The following RAD51 variants were observed in gnomAD, a reference collection of about 807,000 sequenced individuals.
RAD51 encodes RAD51 recombinase.
RAD51 carries 14 observed loss-of-function variants against 41.5 expected under a neutral mutation model. That is an observed-to-expected ratio of 0.34 (90% confidence interval 0.22 to 0.53). The LOEUF (loss-of-function observed/expected upper bound fraction) is 0.53, where lower values mean the gene tolerates loss of function less well. Ranked by LOEUF, RAD51 falls within the 20% of genes least tolerant of loss-of-function variation. The probability of loss-of-function intolerance (pLI) is 0.95; values close to 1 mark genes in which losing one functional copy is unlikely to be tolerated. For synonymous variants in RAD51, 136 were observed against 148.6 expected (o/e 0.92, Z 0.62); for missense variants, 234 against 422.0 (o/e 0.55, Z 3.90).
chr15:40,712,152 T>G (rs1412863576), intron 5 of RAD51, among the ~76,000 whole-genome samples: 1 of 151,788 alleles, frequency 6.6e-6, no homozygotes, highest in Non-Finnish European at 1.5e-5. Flanking sequence ...AGAGTAAGCA[T>G]TAGCTGGTCA....
At chr15:40,721,676 T>A (rs1046267707) in intron 6 of RAD51, among the ~76,000 whole-genome samples, 5 of 152,184 alleles carry the variant, frequency 3.3e-5, no homozygotes, top group Admixed American at 1.3e-4. Flanking sequence ...AAAATGGTCT[T>A]TTCAATAAAC....
intron 6 of RAD51, among the ~76,000 whole-genome samples, chr15:40,723,613 A>C (rs981170457): frequency 9.9e-5 from 15 of 152,212 alleles, no homozygotes; most frequent in African/African-American, 3.6e-4. Flanking sequence ...TGAAATTTCC[A>C]GTAGGGGATA....
At chr15:40,706,315 G>A in intron 4 of RAD51, 21 bp downstream of exon 4, 1 of 1,555,506 alleles carries the variant, frequency 6.4e-7, no homozygotes, top group Non-Finnish European at 8.9e-7. Flanking sequence ...CCTTTATCCT[G>A]TGTTGTGAAC....
At chr15:40,713,553 A>G (rs1029772607) in intron 5 of RAD51, among the ~76,000 whole-genome samples, 8 of 92,166 alleles carry the variant, frequency 8.7e-5, no homozygotes, top group African/African-American at 3.1e-4. Flanking sequence ...TTTTGTTGTC[A>G]TTTTAATTGT....
At chr15:40,721,396 TA>T (rs1190819186) in intron 6 of RAD51, among the ~76,000 whole-genome samples, 1 of 152,230 alleles carries the variant, frequency 6.6e-6, no homozygotes. Flanking sequence ...ATTATAAAGC[TA>T]CAATAACCAA....
At chr15:40,696,738 T>A (rs1225938211) in intron 1 of RAD51, among the ~76,000 whole-genome samples, 3 of 152,216 alleles carry the variant, frequency 2.0e-5, no homozygotes, top group African/African-American at 7.2e-5. Context: ...GAGTGTTGAG[T>A]GTTTCGTTGT....
intron 6 of RAD51, among the ~76,000 whole-genome samples, chr15:40,725,111 G>A (rs1042331283): frequency 6.6e-6 from 1 of 151,784 alleles, no homozygotes; most frequent in Non-Finnish European, 1.5e-5. Flanking sequence ...TTGTTAGCCA[G>A]GATGGTCTCG....
At chr15:40,711,970 G>A (rs1895725460) in intron 5 of RAD51, among the ~76,000 whole-genome samples, 1 of 152,018 alleles carries the variant, frequency 6.6e-6, no homozygotes, top group Middle Eastern at 3.4e-3. Flanking sequence ...TACTTGGGAG[G>A]TGGAGGCGGG....
At chr15:40,728,046 G>T (rs1285923034) in intron 6 of RAD51, among the ~76,000 whole-genome samples, 1 of 152,058 alleles carries the variant, frequency 6.6e-6, no homozygotes, top group Non-Finnish European at 1.5e-5. Context: ...TTTTAGTAGA[G>T]ATGGGGTTTT....
intron 8 of RAD51, 95 bp from the exon 9 acceptor site, chr15:40,729,758 A>C: frequency 6.2e-7 from 1 of 1,610,138 alleles, no homozygotes; most frequent in South Asian, 1.1e-5. Flanking sequence ...GAGAGACATT[A>C]GTTATTCGTT....
Position 40,731,350 on chromosome 15 carries a change from T to C in RAD51, c.*172T>C, listed in dbSNP as rs550106020. 28 of 793,534 alleles carry C rather than the reference T, an allele frequency of 3.5e-5. No homozygotes were observed. The highest frequency in any genetic ancestry group is 3.6e-4 in the Middle Eastern group (1 of 2,754). 49.2% of individuals were successfully genotyped at this position (793,534 alleles called of 1,614,324 possible). On this transcript the variant is annotated 3_prime_UTR_variant, in exon 10 of 10. Coordinates refer to ENST00000267868, the MANE Select transcript of RAD51 (RefSeq NM_002875.5). ...ATGGTATAAACAGGAGACAGGTCAG[T>C]AGTCACAAACTGATCTAAAATGTTT...
chr15:40,700,181 C>T (rs888542849), intron 2 of RAD51, among the ~76,000 whole-genome samples: 5 of 152,198 alleles, frequency 3.3e-5, no homozygotes, highest in Non-Finnish European at 7.3e-5. Context: ...CCCACATTCA[C>T]CTACTAACTC....
intron 6 of RAD51, among the ~76,000 whole-genome samples, chr15:40,724,674 CTTTTTTTTT>C (rs869156620): frequency 7.3e-4 from 69 of 94,350 alleles, no homozygotes; most frequent in Middle Eastern, 0.014. Flanking sequence ...TTTTTTATTT[CTTTTTTTTT>C]TTTTTTTTTT....
intron 1 of RAD51, among the ~76,000 whole-genome samples, chr15:40,696,031 C>T (rs573541548): frequency 5.6e-4 from 85 of 152,164 alleles, no homozygotes; most frequent in African/African-American, 2.0e-3. Context: ...CCCACCACCA[C>T]GCCGCCAGGC....
At chr15:40,724,618 T>C (rs1314300292) in intron 6 of RAD51, among the ~76,000 whole-genome samples, 2 of 150,848 alleles carry the variant, frequency 1.3e-5, no homozygotes, top group African/African-American at 4.9e-5. Context: ...TCCCCCCTCC[T>C]CAGTGTAGCT....
At chr15:40,705,668 G>C (rs1386955120) in intron 3 of RAD51, among the ~76,000 whole-genome samples, 1 of 152,072 alleles carries the variant, frequency 6.6e-6, no homozygotes, top group Non-Finnish European at 1.5e-5. Flanking sequence ...ACAGTGGCGC[G>C]ATCTCGGCTC....
At chr15:40,704,298 T>G (rs935642216) in intron 3 of RAD51, among the ~76,000 whole-genome samples, 16 of 150,366 alleles carry the variant, frequency 1.1e-4, no homozygotes, top group Admixed American at 6.0e-4. Flanking sequence ...TCTCCTGACC[T>G]CATGATCTGC....
chr15:40,701,539 C>T (rs914223840), intron 3 of RAD51, among the ~76,000 whole-genome samples: 8 of 151,578 alleles, frequency 5.3e-5, no homozygotes, highest in African/African-American at 1.5e-4. Flanking sequence ...GCCACCATGC[C>T]GGGGTAGTCT....
chr15:40,707,631 G>A (rs186676015), intron 4 of RAD51, among the ~76,000 whole-genome samples: 19 of 152,168 alleles, frequency 1.2e-4, no homozygotes, highest in Admixed American at 1.2e-3. Context: ...TCTAATATCA[G>A]TGCTATACTA....
Sources: allele counts gnomAD v4.1 joint callset (sites outside exome capture counted in the v4.1 genomes callset), GRCh38; gene constraint gnomAD v4.1.1; transcripts MANE v1.5; gene names NCBI Gene and HGNC (gene_info 2026-07-23, HGNC 2026-07-21).